Variants in RAD52 observed in about 807,000 individuals in gnomAD.
The protein encoded by RAD52 is DNA repair protein RAD52 homolog.
In RAD52, 47 loss-of-function variants were observed where a neutral mutation model predicts 55.5. That is an observed-to-expected ratio of 0.85 (90% CI 0.67 to 1.08). The LOEUF (loss-of-function observed/expected upper bound fraction) is 1.08, where lower values mean the gene tolerates loss of function less well. Among genes scored for constraint, RAD52 ranks in the 50% least tolerant of loss-of-function variants. RAD52 has a pLI of 0.00. For synonymous variants in RAD52, 184 were observed against 198.9 expected, an observed-to-expected ratio of 0.92 and a Z score of 0.63; for missense variants, 468 against 522.8, an observed-to-expected ratio of 0.90 and a Z score of 1.02.
At chr12:978,351 C>G (rs1281196894) in intron 1 of RAD52, among the ~76,000 whole-genome samples, 2 of 152,146 alleles carry the variant, frequency 1.3e-5, no homozygotes, top group African/African-American at 4.8e-5. Context: ...CCACGCCCGG[C>G]CGTTTGTAGT....
chr12:916,330 C>T lies in RAD52; in HGVS notation c.865+14G>A, dbSNP rs1202113191. On this transcript the variant is annotated intron_variant, in intron 9 of 11. Transcript: ENST00000358495. ...CAGACGCCTCCCAGGGCCCTGCTCC[C>T]ACCCCTCGCTCACCCTCACTCTTCT... 4 of 1,603,238 alleles carry T rather than the reference C, an allele frequency of 2.5e-6. No homozygotes were observed. The highest frequency in any genetic ancestry group is 3.3e-5 in the Admixed American group (2 of 59,932).
At chr12:920,134 T>C (rs1417179791) in intron 7 of RAD52, among the ~76,000 whole-genome samples, 2 of 110,582 alleles carry the variant, frequency 1.8e-5, no homozygotes, top group Admixed American at 1.8e-4. Context: ...GGAGAACTGC[T>C]TGAACCCAGG....
intron 9 of RAD52, 119 bp downstream of exon 9, chr12:916,225 A>G: frequency 6.7e-7 from 1 of 1,494,348 alleles, no homozygotes; most frequent in Non-Finnish European, 8.8e-7. Flanking sequence ...GCTTGAGAGA[A>G]GTCCCAGCGA....
intron 1 of RAD52, among the ~76,000 whole-genome samples, chr12:936,243 G>T (rs1217622639): frequency 6.6e-6 from 1 of 152,062 alleles, no homozygotes; most frequent in Non-Finnish European, 1.5e-5. Context: ...GGCGGAGGTT[G>T]CAGTGAGCCG....
At chr12:916,309 C>T (rs1322328322) in intron 9 of RAD52, 35 bp downstream of exon 9, 2 of 1,596,530 alleles carry the variant, frequency 1.3e-6, no homozygotes, top group Non-Finnish European at 1.7e-6. Flanking sequence ...CTCCTGCAGA[C>T]GCCTCCCAGG....
chr12:988,772 G>C (rs779297565), intron 1 of RAD52, among the ~76,000 whole-genome samples: 2 of 152,098 alleles, frequency 1.3e-5, no homozygotes, highest in Non-Finnish European at 2.9e-5. Context: ...ACATAGTTTC[G>C]CAAGTGTGAG....
At chr12:971,730 G>C (rs1958856137) in intron 1 of RAD52, among the ~76,000 whole-genome samples, 1 of 151,980 alleles carries the variant, frequency 6.6e-6, no homozygotes, top group South Asian at 2.1e-4. Flanking sequence ...CCACATAATT[G>C]CTTTGTTTTT....
chr12:956,064 T>C (rs1958601491), intron 1 of RAD52, among the ~76,000 whole-genome samples: 1 of 152,318 alleles, frequency 6.6e-6, no homozygotes, highest in East Asian at 1.9e-4. Context: ...TTACTTCCCT[T>C]TGCCTGCTAC....
intron 1 of RAD52, among the ~76,000 whole-genome samples, chr12:973,973 G>A (rs1299292444): frequency 6.6e-6 from 1 of 151,694 alleles, no homozygotes; most frequent in African/African-American, 2.4e-5. Context: ...TTGTGAGATG[G>A]ATTCTTGCCA....
At chr12:961,710 A>C (rs1958688649) in intron 1 of RAD52, among the ~76,000 whole-genome samples, 1 of 152,008 alleles carries the variant, frequency 6.6e-6, no homozygotes, top group Non-Finnish European at 1.5e-5. Flanking sequence ...AAAATACAAA[A>C]AAATTAGCAG....
At chr12:966,350 CTGGAT>C (rs1958769987) in intron 1 of RAD52, among the ~76,000 whole-genome samples, 1 of 151,946 alleles carries the variant, frequency 6.6e-6, no homozygotes, top group East Asian at 1.9e-4. Flanking sequence ...TTCCTTATTC[CTGGAT>C]ATAATAATGG....
chr12:933,978 G>A (rs922502505), intron 1 of RAD52, among the ~76,000 whole-genome samples: 1 of 151,630 alleles, frequency 6.6e-6, no homozygotes, highest in Non-Finnish European at 1.5e-5. Flanking sequence ...TTAGCCAGGC[G>A]TGGTGCTATG....
intron 1 of RAD52, among the ~76,000 whole-genome samples, chr12:987,857 C>T (rs775415436): frequency 6.6e-5 from 10 of 152,154 alleles, no homozygotes; most frequent in Non-Finnish European, 1.2e-4. Context: ...CCACTGCACC[C>T]GGCCCTATTT....
intron 1 of RAD52, among the ~76,000 whole-genome samples, chr12:933,695 T>G (rs1358459945): frequency 6.6e-6 from 1 of 152,076 alleles, no homozygotes; most frequent in East Asian, 1.9e-4. Context: ...AAATCAAAAT[T>G]ACAAAAAATT....
At chr12:925,547 G>A in intron 6 of RAD52, 22 bp from the exon 7 acceptor site, 1 of 1,556,124 alleles carries the variant, frequency 6.4e-7, no homozygotes, top group Non-Finnish European at 8.9e-7. Flanking sequence ...AGAAAAAAAG[G>A]TGAAACAGGG....
chr12:981,976 G>GAGA (rs1402008197), intron 1 of RAD52, among the ~76,000 whole-genome samples: 4 of 152,140 alleles, frequency 2.6e-5, no homozygotes, highest in Non-Finnish European at 5.9e-5. Flanking sequence ...CCATGCCTCT[G>GAGA]AGGCACTGGA....
At chr12:984,810 G>T (rs549287487) in intron 1 of RAD52, among the ~76,000 whole-genome samples, 23 of 152,192 alleles carry the variant, frequency 1.5e-4, no homozygotes, top group African/African-American at 4.6e-4. Flanking sequence ...GACTACAGGC[G>T]CCCGCCACCA....
At chr12:937,668 C>T (rs572722283) in intron 1 of RAD52, among the ~76,000 whole-genome samples, 17 of 152,184 alleles carry the variant, frequency 1.1e-4, no homozygotes, top group African/African-American at 3.9e-4. Context: ...TCAGGTGATC[C>T]GCCTGCCTCA....
chr12:959,186 G>T lies in RAD52; in HGVS notation c.-18-26110C>A, dbSNP rs559566607. 3.3e-5 allele frequency among the ~76,000 whole-genome samples: 5 copies of T among 152,252 alleles called. No homozygotes were observed. The East Asian group carries it at 7.7e-4, about 23-fold the overall frequency. On this transcript the variant is annotated intron_variant, in intron 1 of 11. Coordinates refer to the RAD52 transcript ENST00000430095. ...AGTTCTCAAAAGGATTCTAAGAACC[G>T]GCACTAGTATCATCTCTATTTCACA...
Sources: allele counts gnomAD v4.1 joint callset (sites outside exome capture counted in the v4.1 genomes callset), GRCh38; gene constraint gnomAD v4.1.1; transcripts MANE v1.5; gene names NCBI Gene and HGNC (gene_info 2026-07-23, HGNC 2026-07-21).